Variants in PIK3C2A observed in about 807,000 individuals in gnomAD.
PIK3C2A encodes the protein phosphatidylinositol 4-phosphate 3-kinase C2 domain-containing subunit alpha.
In PIK3C2A, 97 loss-of-function variants were observed where a neutral mutation model predicts 204.5. The observed-to-expected ratio is 0.47, with a 90% CI of 0.40 to 0.56. PIK3C2A has a LOEUF of 0.56. Ranked by LOEUF, PIK3C2A falls within the 20% of genes least tolerant of loss-of-function variation. PIK3C2A has a pLI of 0.00. For missense variants in PIK3C2A, 1,735 were observed against 1,969.2 expected (o/e 0.88, Z 2.25); for synonymous variants, 653 against 664.4 (o/e 0.98, Z 0.26).
chr11:17,163,718 AC>A (rs1261306964), intron 2 of PIK3C2A, among the ~76,000 whole-genome samples: 7 of 152,118 alleles, frequency 4.6e-5, no homozygotes, highest in African/African-American at 1.7e-4. Context: ...CCACCATTCT[AC>A]CAGTTGTTTC....
chr11:17,204,171 G>A (rs1185759562), intron 1 of PIK3C2A: 3 of 152,104 alleles, frequency 2.0e-5, no homozygotes, highest in African/African-American at 4.8e-5. Flanking sequence ...GATCTATACT[G>A]TCCAATATGG....
At chr11:17,096,743 G>A (rs1590897406) in intron 27 of PIK3C2A, among the ~76,000 whole-genome samples, 1 of 152,190 alleles carries the variant, frequency 6.6e-6, no homozygotes, top group Non-Finnish European at 1.5e-5. Context: ...CAAAGACAAT[G>A]TGTGCGTGTT....
chr11:17,177,105 T>C (rs1851363405), intron 1 of PIK3C2A, among the ~76,000 whole-genome samples: 1 of 152,206 alleles, frequency 6.6e-6, no homozygotes, highest in Non-Finnish European at 1.5e-5. Flanking sequence ...TTCTCCACAA[T>C]GCACTTTAAA....
chr11:17,129,091 T>C (rs1376851209), intron 13 of PIK3C2A, among the ~76,000 whole-genome samples: 2 of 152,264 alleles, frequency 1.3e-5, no homozygotes, highest in Non-Finnish European at 2.9e-5. Context: ...AAGCTGTGCA[T>C]ACCTATTCAG....
At chr11:17,174,990 A>G (rs1851293444) in intron 1 of PIK3C2A, among the ~76,000 whole-genome samples, 1 of 152,260 alleles carries the variant, frequency 6.6e-6, no homozygotes, top group South Asian at 2.1e-4. Context: ...CACAAGCATA[A>G]TGCCAATTTG....
At chr11:17,183,349 A>C (rs555002199) in intron 1 of PIK3C2A, among the ~76,000 whole-genome samples, 18 of 152,292 alleles carry the variant, frequency 1.2e-4, no homozygotes, top group African/African-American at 4.3e-4. Context: ...ATTATTACTT[A>C]TTGTTATTCT....
chr11:17,124,503 T>A (rs1849460469), intron 13 of PIK3C2A, among the ~76,000 whole-genome samples: 1 of 151,580 alleles, frequency 6.6e-6, no homozygotes, highest in Non-Finnish European at 1.5e-5. Flanking sequence ...TCGCCCAGGC[T>A]GAAGTGCAGT....
chr11:17,094,332 G>C lies in PIK3C2A; in HGVS notation c.4380C>G (p.Phe1460Leu). The C allele has an allele frequency of 1.2e-6, 2 of 1,609,956 alleles. No homozygotes were observed. The change falls in exon 28 of 33, where the codon TTC becomes TTG. Residue 1460 changes from phenylalanine to leucine, a missense_variant. Phe to Leu is a conservative substitution (Grantham distance 22). Coordinates refer to ENST00000691414, the MANE Select transcript of PIK3C2A (RefSeq NM_002645.4). ...GTTCCTGAAATTCGTCAAATGTTCG[G>C]AAGACAAATGATGGTTCAATCTGTC... ...REGQIEPSFVFRTFDEFQELH... is the reference protein window; with the variant it reads ...REGQIEPSFVLRTFDEFQELH...
At chr11:17,141,175 G>T (rs1850051613) in intron 8 of PIK3C2A, 1 of 151,940 alleles carries the variant, frequency 6.6e-6, no homozygotes, top group Non-Finnish European at 1.5e-5. Context: ...GGAGTGACAT[G>T]ATCTAACACT....
At chr11:17,147,241 C>T (rs1028095223) in intron 6 of PIK3C2A, among the ~76,000 whole-genome samples, 3 of 152,088 alleles carry the variant, frequency 2.0e-5, no homozygotes, top group Admixed American at 6.5e-5. Context: ...CCCTGACTCA[C>T]CCTGATGTTT....
At position 17,101,301 on chromosome 11, in the gene PIK3C2A, G is replaced by A. The variant is rs779182844; in HGVS notation, c.3985C>T (p.Leu1329Phe). Residue 1329 changes from leucine to phenylalanine, a missense_variant, in exon 25 of 33, where the codon CTT becomes TTT. Transcript: ENST00000691414. ...ACCAGTGAAAGGAGGTTAAGAAAAA[G>A]GTTTGTCTGCTTTCTTATCAAGTTG... is the stretch of plus-strand genomic sequence containing the variant. ...AYNLIRKQTN[L>F]FLNLLSLMIP... The A allele has an allele frequency of 5.8e-6, 9 of 1,554,906 alleles. No individual in the cohort carries two copies. Among genetic ancestry groups the A allele is most frequent in the Non-Finnish European group, 7.9e-6 (9 of 1,139,484 alleles).
At chr11:17,185,005 G>A (rs1050540992) in intron 1 of PIK3C2A, among the ~76,000 whole-genome samples, 2 of 151,800 alleles carry the variant, frequency 1.3e-5, no homozygotes, top group Non-Finnish European at 2.9e-5. Flanking sequence ...CATAGTACAT[G>A]TACAGTGTTT....
At position 17,094,188 on chromosome 11, in the gene PIK3C2A, A is replaced by G. The variant is rs1848390537; in HGVS notation, c.4451+73T>C. The stretch of plus-strand genomic sequence containing the variant: ...ATAATATCTTACTAAGTGTTAACAC[A>G]AAGCTTTCTACCTACATTTGATAAC... On this transcript the variant is annotated intron_variant, in intron 28 of 32. Transcript: ENST00000691414. 8.4e-6 allele frequency: 10 copies of G among 1,185,430 alleles called. No individual in the cohort carries two copies. In the South Asian group the frequency reaches 1.5e-4, roughly 17 times the overall value. The allele number at this position is 1,185,430 out of a possible 1,614,324, so 73.4% of individuals were successfully genotyped here. A position where few individuals can be genotyped will look rare whatever the true frequency, so the allele number is the denominator to read the frequency against.
At chr11:17,138,686 CCATA>C (rs1849957567) in intron 8 of PIK3C2A, among the ~76,000 whole-genome samples, 1 of 152,098 alleles carries the variant, frequency 6.6e-6, no homozygotes, top group Non-Finnish European at 1.5e-5. Flanking sequence ...GCTTTGTGGG[CCATA>C]CAGTCTCTGG....
intron 1 of PIK3C2A, among the ~76,000 whole-genome samples, chr11:17,189,334 G>A (rs1031476804): frequency 1.4e-5 from 2 of 146,826 alleles, no homozygotes; most frequent in Non-Finnish European, 2.9e-5. Flanking sequence ...TGGTATACAT[G>A]CCAGGTACGG....
chr11:17,167,990 C>T (rs1241993857), intron 2 of PIK3C2A, among the ~76,000 whole-genome samples: 1 of 150,746 alleles, frequency 6.6e-6, no homozygotes, highest in Admixed American at 6.6e-5. Context: ...TATAATGGGG[C>T]TAAAAACCAA....
chr11:17,089,997 G>C, intron 32 of PIK3C2A, 77 bp from the exon 33 acceptor site: 2 of 1,107,136 alleles, frequency 1.8e-6, no homozygotes, highest in Non-Finnish European at 2.6e-6. Context: ...AAGTGAAAAC[G>C]TGAGAATATT....
chr11:17,088,053 T>C lies in PIK3C2A; in HGVS notation c.*1685A>G, dbSNP rs911371736. ...TTCTGGGAAACTGAATTGGCGATTGTCCTTTCTCTCTTGGTATTCTTTATT... is the reference window on the plus strand; with the variant it reads ...TTCTGGGAAACTGAATTGGCGATTGCCCTTTCTCTCTTGGTATTCTTTATT... On this transcript the variant is annotated 3_prime_UTR_variant, in exon 33 of 33. Coordinates refer to ENST00000691414, the MANE Select transcript of PIK3C2A (RefSeq NM_002645.4). 1 of 152,182 alleles carries C rather than the reference T, an allele frequency of 6.6e-6. No individual in the cohort carries two copies. Among genetic ancestry groups the C allele is most frequent in the Non-Finnish European group, 1.5e-5 (1 of 68,036 alleles). The allele number at this position is 152,182 out of a possible 1,614,324, so 9.4% of individuals were successfully genotyped here.
intron 3 of PIK3C2A, among the ~76,000 whole-genome samples, chr11:17,154,745 G>A (rs1239558762): frequency 6.6e-6 from 1 of 152,192 alleles, no homozygotes; most frequent in Non-Finnish European, 1.5e-5. Flanking sequence ...AGGAAATGGA[G>A]TGGACAAGGA....
Sources: gnomAD v4.1 joint callset for allele counts (sites outside exome capture counted in the v4.1 genomes callset) on GRCh38, gnomAD v4.1.1 for gene constraint, MANE v1.5 for transcripts, NCBI Gene and HGNC (gene_info 2026-07-23, HGNC 2026-07-21) for gene names.